The following PBX1 variants were observed in gnomAD, a reference collection of about 807,000 sequenced individuals.
PBX1 encodes the protein pre-B-cell leukemia transcription factor 1.
Under a neutral mutation model 53.4 loss-of-function variants are expected in PBX1, and 6 were observed. That is an observed-to-expected ratio of 0.11 (90% CI 0.06 to 0.22). The LOEUF (loss-of-function observed/expected upper bound fraction) is 0.22. PBX1 is among the 10% of genes least tolerant of loss of function. The probability of loss-of-function intolerance (pLI) is 1.00; values close to 1 mark genes in which losing one functional copy is unlikely to be tolerated. For synonymous variants in PBX1, 204 were observed against 212.3 expected (o/e 0.96, Z 0.34); for missense variants, 251 against 551.4 (o/e 0.46, Z 5.46).
chr1:164,860,319 T>C (rs927971417), intron 2 of PBX1, among the ~76,000 whole-genome samples: 3 of 152,308 alleles, frequency 2.0e-5, no homozygotes, highest in African/African-American at 7.2e-5. Context: ...AGCAATTGCT[T>C]TCTTTAAAGA....
chr1:164,822,163 C>G (rs1670191067), intron 8 of PBX1, among the ~76,000 whole-genome samples: 2 of 152,216 alleles, frequency 1.3e-5, no homozygotes, highest in Admixed American at 6.5e-5. Flanking sequence ...TCCTGACTAG[C>G]ATGAAAATTC....
intron 2 of PBX1, among the ~76,000 whole-genome samples, chr1:164,690,548 C>T (rs555879891): frequency 6.6e-6 from 1 of 151,180 alleles, no homozygotes; most frequent in Non-Finnish European, 1.5e-5. Flanking sequence ...AGAAGGGTTG[C>T]TTGAGCTTAG....
At chr1:164,820,232 G>A (rs1202580158) in intron 7 of PBX1, 48 bp downstream of exon 7, 5 of 1,049,380 alleles carry the variant, frequency 4.8e-6, no homozygotes, top group Non-Finnish European at 7.5e-6. Flanking sequence ...TAGAGTCCAA[G>A]AGCCCTCAGT....
chr1:164,582,938 A>G lies in PBX1; in HGVS notation c.265+19627A>G, dbSNP rs1042233546. 3.3e-5 allele frequency among the ~76,000 whole-genome samples: 5 copies of G among 152,324 alleles called. No individual in the cohort carries two copies. The East Asian group carries it at 5.8e-4, about 18-fold the overall frequency. ...TGAACAGGATTTGTATGCTCAGCCC[A>G]TAGTACATATTCAGTTAATATATTT... On this transcript the variant is annotated intron_variant, in intron 2 of 8. Transcript: ENST00000420696.
intron 2 of PBX1, among the ~76,000 whole-genome samples, chr1:164,718,172 C>G (rs566798036): frequency 6.6e-6 from 1 of 152,182 alleles, no homozygotes; most frequent in Admixed American, 6.5e-5. Context: ...ACGAATGTGG[C>G]ATGTTTTACC....
At chr1:164,716,299 C>T (rs1351424573) in intron 2 of PBX1, among the ~76,000 whole-genome samples, 5 of 152,048 alleles carry the variant, frequency 3.3e-5, no homozygotes, top group Non-Finnish European at 5.9e-5. Flanking sequence ...TCACTTAAGA[C>T]TCTAGTGAGT....
In PBX1 at chr1:164,722,748, C is replaced by T. The variant is rs535165871; in HGVS notation, c.266-69746C>T. ...TCCAACTAAGACCATGCCTTAGCAA[C>T]CAGTGATTTCTTGAACCCTTTGAAG... is the stretch of plus-strand genomic sequence containing the variant. On this transcript the variant is annotated intron_variant, in intron 2 of 8. Transcript: ENST00000420696. Among the ~76,000 whole-genome samples, 2 of 152,288 alleles carry T rather than the reference C, an allele frequency of 1.3e-5. 1 individual carries two copies. Among genetic ancestry groups the T allele is most frequent in the South Asian group, 4.1e-4 (2 of 4,822 alleles).
chr1:164,601,433 A>G (rs1656168219), intron 2 of PBX1, among the ~76,000 whole-genome samples: 1 of 152,146 alleles, frequency 6.6e-6, no homozygotes, highest in Admixed American at 6.5e-5. Context: ...GGGTTTTCCC[A>G]GGAAGCCTCA....
intron 2 of PBX1, among the ~76,000 whole-genome samples, chr1:164,726,957 G>T (rs2200797): frequency 0.073 from 11,182 of 152,136 alleles, 605 homozygotes; most frequent in East Asian, 0.16. Context: ...CTTCCATAAT[G>T]CAGGAAGAAA....
intron 2 of PBX1, among the ~76,000 whole-genome samples, chr1:164,883,108 A>G (rs530629336): frequency 5.3e-4 from 80 of 152,340 alleles, no homozygotes; most frequent in African/African-American, 1.5e-3. Context: ...ATCTTGCTAG[A>G]GAATCTATTC....
At chr1:164,764,825 G>A (rs1666984343) in intron 2 of PBX1, among the ~76,000 whole-genome samples, 1 of 152,174 alleles carries the variant, frequency 6.6e-6, no homozygotes, top group Admixed American at 6.5e-5. Context: ...GTAGAAGTGT[G>A]CATATATCTT....
chr1:164,661,734 A>C (rs1660505323), intron 2 of PBX1, among the ~76,000 whole-genome samples: 1 of 152,106 alleles, frequency 6.6e-6, no homozygotes, highest in African/African-American at 2.4e-5. Flanking sequence ...GCCATAAGCC[A>C]GTTTCTTATA....
At chr1:164,729,103 C>T (rs1664845982) in intron 2 of PBX1, among the ~76,000 whole-genome samples, 2 of 152,196 alleles carry the variant, frequency 1.3e-5, no homozygotes, top group Non-Finnish European at 2.9e-5. Context: ...CAAGCATTTT[C>T]AAGCAGAATT....
chr1:164,655,282 G>A (rs1428833124), intron 2 of PBX1, among the ~76,000 whole-genome samples: 6 of 151,846 alleles, frequency 4.0e-5, no homozygotes, highest in Non-Finnish European at 7.4e-5. Context: ...CCTGTCTAAT[G>A]TTGTACTTTT....
At chr1:164,820,284 A>C (rs1029136611) in intron 7 of PBX1, 100 bp downstream of exon 7, 15 of 709,364 alleles carry the variant, frequency 2.1e-5, no homozygotes, top group Non-Finnish European at 3.7e-5. Context: ...AGAGAGAAAA[A>C]CAGATCAGAA....
At chr1:164,751,813 C>A (rs997195658) in intron 2 of PBX1, among the ~76,000 whole-genome samples, 1 of 151,836 alleles carries the variant, frequency 6.6e-6, no homozygotes, top group African/African-American at 2.4e-5. Context: ...GACTCCTCAC[C>A]TCAGGTGATT....
At chr1:164,644,081 C>T (rs771093801) in intron 2 of PBX1, among the ~76,000 whole-genome samples, 12 of 152,130 alleles carry the variant, frequency 7.9e-5, no homozygotes, top group South Asian at 2.1e-4. Context: ...TCCTAAATGT[C>T]GATGATGTCC....
chr1:164,728,843 TG>T (rs1271955185), intron 2 of PBX1, among the ~76,000 whole-genome samples: 2 of 152,204 alleles, frequency 1.3e-5, no homozygotes, highest in African/African-American at 2.4e-5. Flanking sequence ...TCAGTTTAAA[TG>T]GCCTGTTATT....
At chr1:164,562,981 C>A (rs1261810205) in intron 1 of PBX1, 11 of 209,678 alleles carry the variant, frequency 5.2e-5, no homozygotes, top group South Asian at 5.0e-4. Context: ...AAAAAAAAAA[C>A]CCTTTCCCTA....
Sources: gnomAD v4.1 joint callset for allele counts (sites outside exome capture counted in the v4.1 genomes callset) on GRCh38, gnomAD v4.1.1 for gene constraint, MANE v1.5 for transcripts, NCBI Gene and HGNC (gene_info 2026-07-23, HGNC 2026-07-21) for gene names.